The following SPATS2L variants were observed in gnomAD, a reference collection of about 807,000 sequenced individuals.
SPATS2L encodes spermatogenesis associated serine rich 2 like.
SPATS2L carries 30 observed loss-of-function variants against 59.6 expected under a neutral mutation model. The ratio of observed to expected loss-of-function variants is 0.50; its 90% confidence interval spans 0.38 to 0.68. SPATS2L has a LOEUF of 0.68. Ranked by LOEUF, SPATS2L falls within the 30% of genes least tolerant of loss-of-function variation. The pLI is 0.00. For synonymous variants in SPATS2L, 252 were observed against 263.5 expected (o/e 0.96, Z 0.42); for missense variants, 615 against 700.0 (o/e 0.88, Z 1.37).
chr2:200,306,865 C>T lies in SPATS2L; in HGVS notation c.-130C>T. 1 of 981,006 alleles carries T rather than the reference C, an allele frequency of 1.0e-6. No homozygotes were observed. Among genetic ancestry groups the T allele is most frequent in the Non-Finnish European group, 1.2e-6 (1 of 828,204 alleles). 60.8% of individuals were successfully genotyped at this position (981,006 alleles called of 1,614,324 possible). A position where few individuals can be genotyped will look rare whatever the true frequency, so the allele number is the denominator to read the frequency against. On this transcript the variant is annotated 5_prime_UTR_variant, in exon 1 of 13. Coordinates refer to ENST00000409140, the MANE Select transcript of SPATS2L (RefSeq NM_001100423.2). ...ACCGCCGCGGCGCCTCCCCTGGCGACCGCGCCCCCGGGCCCCGGCTCCGGC... is the reference window on the plus strand; with the variant it reads ...ACCGCCGCGGCGCCTCCCCTGGCGATCGCGCCCCCGGGCCCCGGCTCCGGC...
At chr2:200,476,552 C>A (rs928173507) in intron 12 of SPATS2L, among the ~76,000 whole-genome samples, 3 of 152,228 alleles carry the variant, frequency 2.0e-5, no homozygotes, top group Non-Finnish European at 4.4e-5. Context: ...GCTCTGAACC[C>A]CTCGGGGGAG....
At position 200,348,712 on chromosome 2, in the gene SPATS2L, G is replaced by A. The variant is rs185264926; in HGVS notation, c.-23+19232G>A. ...GGAGCCTCACTTCCCTCCTTTGTAGGATAGGCACACATGAGAATCTAATGA... is the reference window on the plus strand; with the variant it reads ...GGAGCCTCACTTCCCTCCTTTGTAGAATAGGCACACATGAGAATCTAATGA... On this transcript the variant is annotated intron_variant, in intron 2 of 12. Transcript: ENST00000409140. 1.9e-4 allele frequency among the ~76,000 whole-genome samples: 29 copies of A among 152,196 alleles called. No individual in the cohort carries two copies. In the East Asian group the frequency reaches 5.4e-3, roughly 28 times the overall value.
chr2:200,422,552 A>AAG (rs1553528996), intron 6 of SPATS2L, among the ~76,000 whole-genome samples: 22 of 139,692 alleles, frequency 1.6e-4, no homozygotes, highest in African/African-American at 4.9e-4. Context: ...AAAAAAAAAA[A>AAG]GGGGGAGGAA....
chr2:200,459,905 C>T (rs960734562), intron 9 of SPATS2L, 78 bp downstream of exon 9: 34 of 1,089,130 alleles, frequency 3.1e-5, no homozygotes, highest in Non-Finnish European at 4.5e-5. Flanking sequence ...GACAATGATA[C>T]CGGCTTCTGA....
chr2:200,363,276 C>A (rs1214516133), intron 2 of SPATS2L, among the ~76,000 whole-genome samples: 1 of 132,222 alleles, frequency 7.6e-6, no homozygotes, highest in Non-Finnish European at 1.6e-5. Flanking sequence ...GGAAAAAAAT[C>A]ATAAAAAGAC....
intron 2 of SPATS2L, among the ~76,000 whole-genome samples, chr2:200,348,210 A>G (rs1296968783): frequency 6.6e-6 from 1 of 152,122 alleles, no homozygotes; most frequent in Non-Finnish European, 1.5e-5. Flanking sequence ...TAGTGTTCTG[A>G]GTTTAGATGG....
rs374443949 is a variant in SPATS2L at position 200,366,255 on chromosome 2, C to T, written c.-22-22968C>T. 1.5e-4 allele frequency among the ~76,000 whole-genome samples: 23 copies of T among 152,318 alleles called. No homozygotes were observed. The South Asian group carries it at 3.5e-3, about 23-fold the overall frequency. On this transcript the variant is annotated intron_variant, in intron 2 of 12. Transcript: ENST00000409140. ...TTAATTATTTCACCCCATCCACTTA[C>T]ATACATTAACAGTCAACAGATTCAT...
At chr2:200,306,086 CG>C (rs1011748711), upstream of SPATS2L, 1 of 985,552 alleles carries the variant, frequency 1.0e-6, no homozygotes, top group Non-Finnish European at 1.2e-6. Context: ...GAGGAGGCGG[CG>C]GAACACCCCG....
intron 2 of SPATS2L, among the ~76,000 whole-genome samples, chr2:200,353,119 CA>C (rs2080797350): frequency 6.6e-6 from 1 of 152,284 alleles, no homozygotes; most frequent in East Asian, 1.9e-4. Flanking sequence ...TTGATCAAAA[CA>C]CAGAAAAATT....
intron 3 of SPATS2L, among the ~76,000 whole-genome samples, chr2:200,399,813 T>C (rs2082467566): frequency 6.6e-6 from 1 of 152,174 alleles, no homozygotes; most frequent in Non-Finnish European, 1.5e-5. Flanking sequence ...ATATCCAAGG[T>C]TAATATAATT....
intron 2 of SPATS2L, among the ~76,000 whole-genome samples, chr2:200,340,837 C>T (rs1574440679): frequency 1.3e-5 from 2 of 152,210 alleles, no homozygotes; most frequent in South Asian, 4.1e-4. Flanking sequence ...AGAAGGCACA[C>T]TTGAACTTTT....
upstream of SPATS2L, chr2:200,306,097 G>C: frequency 1.0e-6 from 1 of 985,942 alleles, no homozygotes; most frequent in Non-Finnish European, 1.2e-6. Context: ...GGAACACCCC[G>C]GGTTGGTCGG....
Position 200,481,292 on chromosome 2 carries a change from A to G in SPATS2L, c.*3261A>G, listed in dbSNP as rs574733679. The G allele has an allele frequency of 1.3e-5, 2 of 152,354 alleles. No individual in the cohort carries two copies. The highest frequency in any genetic ancestry group is 1.9e-4 in the East Asian group (1 of 5,184). 9.4% of individuals were successfully genotyped at this position (152,354 alleles called of 1,614,324 possible). A position where few individuals can be genotyped will look rare whatever the true frequency, so the allele number is the denominator to read the frequency against. On this transcript the variant is annotated 3_prime_UTR_variant, in exon 13 of 13. Transcript: ENST00000409140. ...TAAACATTCTTAGGGAAGGACATCA[A>G]ATGAGGTTAATGGGAAACGTTACCA...
chr2:200,449,604 A>G (rs1007654171), intron 8 of SPATS2L, among the ~76,000 whole-genome samples: 10 of 152,250 alleles, frequency 6.6e-5, no homozygotes, highest in Non-Finnish European at 1.0e-4. Flanking sequence ...ATCATAAAAT[A>G]GAAAAATAAA....
intron 8 of SPATS2L, among the ~76,000 whole-genome samples, chr2:200,450,665 C>T (rs774690124): frequency 6.6e-5 from 10 of 152,184 alleles, no homozygotes; most frequent in Non-Finnish European, 1.3e-4. Context: ...TGTTAGGTGG[C>T]ACCCAAGAAT....
At chr2:200,451,411 T>A (rs2085435289) in intron 8 of SPATS2L, among the ~76,000 whole-genome samples, 1 of 152,210 alleles carries the variant, frequency 6.6e-6, no homozygotes, top group Admixed American at 6.5e-5. Context: ...AATCAGAAAG[T>A]TCATTTATAA....
At chr2:200,439,851 T>G (rs896340620) in intron 7 of SPATS2L, among the ~76,000 whole-genome samples, 4 of 152,212 alleles carry the variant, frequency 2.6e-5, no homozygotes, top group Non-Finnish European at 4.4e-5. Context: ...TTTTATGATT[T>G]TTCTGAGCTT....
At chr2:200,402,708 C>A (rs2082565796) in intron 3 of SPATS2L, among the ~76,000 whole-genome samples, 1 of 152,234 alleles carries the variant, frequency 6.6e-6, no homozygotes, top group South Asian at 2.1e-4. Context: ...GCTTCTGAGT[C>A]TGTGCATTGT....
Position 200,370,916 on chromosome 2 carries a change from G to C in SPATS2L, c.-22-18307G>C, listed in dbSNP as rs142914683. ...TACCCGAAAGAACCTTAATAGGCTT[G>C]AGAAATCAGCCAGATTAGTACGACA... On this transcript the variant is annotated intron_variant, in intron 2 of 12. Coordinates refer to ENST00000409140, the MANE Select transcript of SPATS2L (RefSeq NM_001100423.2). Among the ~76,000 whole-genome samples, 16 of 152,304 alleles carry C rather than the reference G, an allele frequency of 1.1e-4. No homozygotes were observed. The East Asian group carries it at 3.1e-3, about 29-fold the overall frequency.
Sources: allele counts gnomAD v4.1 joint callset (sites outside exome capture counted in the v4.1 genomes callset), GRCh38; gene constraint gnomAD v4.1.1; transcripts MANE v1.5; gene names NCBI Gene and HGNC (gene_info 2026-07-23, HGNC 2026-07-21).